Variants in SETBP1 observed in about 807,000 individuals in gnomAD.
The protein encoded by SETBP1 is SET binding protein 1, also known as SET-binding protein.
A neutral mutation model predicts 101.0 loss-of-function variants in SETBP1; 9 were observed. The ratio of observed to expected loss-of-function variants is 0.09; its 90% confidence interval spans 0.05 to 0.16. The LOEUF is 0.16. Ranked by LOEUF, SETBP1 falls within the 10% of genes least tolerant of loss-of-function variation. SETBP1 has a pLI of 1.00. For synonymous variants in SETBP1, 818 were observed against 788.5 expected, an observed-to-expected ratio of 1.04 and a Z score of -0.63; for missense variants, 1,858 against 2,033.8, an observed-to-expected ratio of 0.91 and a Z score of 1.66.
At chr18:44,971,467 G>C (rs1464593553) in intron 4 of SETBP1, among the ~76,000 whole-genome samples, 1 of 152,156 alleles carries the variant, frequency 6.6e-6, no homozygotes, top group African/African-American at 2.4e-5. Context: ...TTCCACAATG[G>C]TTGAACTAGT....
At chr18:44,730,006 GTGTGACGTGAGGTCTAGC>G (rs2069800711) in intron 2 of SETBP1, among the ~76,000 whole-genome samples, 1 of 152,184 alleles carries the variant, frequency 6.6e-6, no homozygotes, top group Admixed American at 6.5e-5. Context: ...AGAAGCCTGA[GTGTGACGTGAGGTCTAGC>G]TATGCATCTG....
intron 3 of SETBP1, among the ~76,000 whole-genome samples, chr18:44,886,402 A>C (rs2144760961): frequency 6.6e-6 from 1 of 152,270 alleles, no homozygotes; most frequent in South Asian, 2.1e-4. Flanking sequence ...GTCTTGATGA[A>C]CTACTTAAAT....
chr18:45,050,324 C>A (rs2073701036), intron 5 of SETBP1, among the ~76,000 whole-genome samples: 1 of 152,176 alleles, frequency 6.6e-6, no homozygotes, highest in African/African-American at 2.4e-5. Context: ...CTCACCCCCA[C>A]AACTAGTAAA....
At chr18:45,062,206 C>A (rs2073901195) in intron 5 of SETBP1, among the ~76,000 whole-genome samples, 1 of 152,240 alleles carries the variant, frequency 6.6e-6, no homozygotes, top group Non-Finnish European at 1.5e-5. Flanking sequence ...CAGCGCAGGA[C>A]TTCCTGAGAC....
chr18:44,914,472 T>A (rs1363828051), intron 3 of SETBP1, among the ~76,000 whole-genome samples: 1 of 152,226 alleles, frequency 6.6e-6, no homozygotes, highest in Non-Finnish European at 1.5e-5. Flanking sequence ...CTGGTCAGGA[T>A]CAAAGTCACA....
At chr18:44,980,463 G>A (rs2072087637) in intron 4 of SETBP1, among the ~76,000 whole-genome samples, 1 of 150,994 alleles carries the variant, frequency 6.6e-6, no homozygotes, top group Non-Finnish European at 1.5e-5. Context: ...TAGTTTCTCT[G>A]ATTCGCACAT....
At chr18:45,061,552 T>C (rs80264803) in intron 5 of SETBP1, among the ~76,000 whole-genome samples, 2 of 152,196 alleles carry the variant, frequency 1.3e-5, no homozygotes, top group Admixed American at 1.3e-4. Context: ...GGCCAAAAGC[T>C]GTAACATTTT....
chr18:44,894,970 A>AC (rs1389729285), intron 3 of SETBP1, among the ~76,000 whole-genome samples: 2 of 146,644 alleles, frequency 1.4e-5, no homozygotes, highest in African/African-American at 5.0e-5. Context: ...AAAAAAAAAA[A>AC]GTAGCCAGTC....
intron 4 of SETBP1, among the ~76,000 whole-genome samples, chr18:45,037,793 G>C (rs933168271): frequency 2.0e-5 from 3 of 152,082 alleles, no homozygotes; most frequent in African/African-American, 7.2e-5. Flanking sequence ...CCCCAAATCA[G>C]CTCTCCTTAC....
At position 44,908,206 on chromosome 18, in the gene SETBP1, G is replaced by A. The variant is rs183740879; in HGVS notation, c.540+38923G>A. Among the ~76,000 whole-genome samples, 219 of 151,924 alleles carry A rather than the reference G, an allele frequency of 1.4e-3. 1 individual carries two copies. Among genetic ancestry groups the A allele is most frequent in the African/African-American group, 5.0e-3 (209 of 41,428 alleles). On this transcript the variant is annotated intron_variant, in intron 3 of 5. Transcript: ENST00000649279. ...CTCTTGAGTAGCTGGGATTACAGGC[G>A]CCCACCACCATGCTCATCTAATTTT...
chr18:44,887,095 A>C (rs1206390419), intron 3 of SETBP1, among the ~76,000 whole-genome samples: 1 of 152,142 alleles, frequency 6.6e-6, no homozygotes, highest in African/African-American at 2.4e-5. Flanking sequence ...TAGTAGATGT[A>C]TGACCTTCAG....
At chr18:44,799,664 G>A (rs542901695) in intron 2 of SETBP1, among the ~76,000 whole-genome samples, 10 of 152,260 alleles carry the variant, frequency 6.6e-5, no homozygotes, top group African/African-American at 2.4e-4. Context: ...GGTTTGCTGG[G>A]GATGCGGAGC....
At chr18:44,751,328 C>T (rs77213797) in intron 2 of SETBP1, among the ~76,000 whole-genome samples, 55 of 152,206 alleles carry the variant, frequency 3.6e-4, no homozygotes, top group East Asian at 3.1e-3. Flanking sequence ...GCTTACCTAG[C>T]GACAAGATTT....
intron 2 of SETBP1, among the ~76,000 whole-genome samples, chr18:44,713,342 G>T (rs1349942327): frequency 1.3e-5 from 2 of 152,118 alleles, no homozygotes; most frequent in African/African-American, 2.4e-5. Flanking sequence ...CCTTCACGGG[G>T]GGGGACGTGC....
chr18:44,986,473 G>A (rs2072236408), intron 4 of SETBP1: 1 of 152,248 alleles, frequency 6.6e-6, no homozygotes, highest in South Asian at 2.1e-4. Flanking sequence ...ATTAATAAAT[G>A]AAATGTGGCT....
rs563506844 is a variant in SETBP1, at chr18:44,754,112, C to G, written c.486+52280C>G. ...TCCTCTGTTCTATGAGACAGCTTCC[C>G]CAGTATTTGAAAATGACTTGGATGC... On this transcript the variant is annotated intron_variant, in intron 2 of 5. Transcript: ENST00000649279. Among the ~76,000 whole-genome samples the G allele has an allele frequency of 3.9e-5, 6 of 152,312 alleles. No homozygotes were observed. In the South Asian group the frequency reaches 1.2e-3, roughly 32 times the overall value.
chr18:45,057,364 G>A (rs2073826351), intron 5 of SETBP1, among the ~76,000 whole-genome samples: 1 of 151,958 alleles, frequency 6.6e-6, no homozygotes. Flanking sequence ...GCAAGCAGAA[G>A]TACAAAGTAA....
chr18:44,738,607 C>G (rs1038260016), intron 2 of SETBP1, among the ~76,000 whole-genome samples: 1 of 152,004 alleles, frequency 6.6e-6, no homozygotes, highest in East Asian at 1.9e-4. Context: ...AACTCCATCT[C>G]TACTAAAAAT....
chr18:44,720,906 C>T (rs562101001), intron 2 of SETBP1, among the ~76,000 whole-genome samples: 2 of 126,176 alleles, frequency 1.6e-5, no homozygotes, highest in African/African-American at 3.0e-5. Context: ...CTCCAACCCC[C>T]ACCCCCCACC....
Sources: gnomAD v4.1 joint callset for allele counts (sites outside exome capture counted in the v4.1 genomes callset) on GRCh38, gnomAD v4.1.1 for gene constraint, MANE v1.5 for transcripts, NCBI Gene and HGNC (gene_info 2026-07-23, HGNC 2026-07-21) for gene names.